GRIN2B: variants seen among roughly 807,000 people sequenced by gnomAD.
GRIN2B encodes the protein glutamate ionotropic receptor NMDA type subunit 2B.
In GRIN2B, 5 loss-of-function variants were observed where a neutral mutation model predicts 114.5. That is an observed-to-expected ratio of 0.04 (90% confidence interval 0.02 to 0.09). The LOEUF (loss-of-function observed/expected upper bound fraction) is 0.09, where lower values mean the gene tolerates loss of function less well. GRIN2B is among the 10% of genes least tolerant of loss of function. GRIN2B has a pLI of 1.00. For synonymous variants in GRIN2B, 787 were observed against 745.1 expected, an observed-to-expected ratio of 1.06 and a Z score of -0.92; for missense variants, 1,108 against 1,943.5, an observed-to-expected ratio of 0.57 and a Z score of 8.08.
In GRIN2B at chr12:13,608,780, A is replaced by G. The variant is rs367543148; in HGVS notation, c.1833T>C (p.Gly611=). ...CAGGTACGGAGTTGTTAAACACCAG[A>G]CCCCAGAGCAACCAAATAGCTTTGC... ...TIGKAIWLLW[G]LVFNNSVPVQ... Residue 611 remains glycine (G), a synonymous_variant, in exon 10 of 14, where the codon GGT becomes GGC. Transcript: ENST00000609686. 2.0e-5 allele frequency: 33 copies of G among 1,614,128 alleles called. No individual in the cohort carries two copies. The highest frequency in any genetic ancestry group is 2.7e-5 in the Non-Finnish European group (32 of 1,180,004).
At chr12:13,728,156 G>T (rs1034826636) in intron 4 of GRIN2B, among the ~76,000 whole-genome samples, 2 of 152,164 alleles carry the variant, frequency 1.3e-5, no homozygotes, top group African/African-American at 4.8e-5. Context: ...GTTGAATAAT[G>T]AATGAATGCA....
chr12:13,832,220 G>T (rs944977125), intron 3 of GRIN2B, among the ~76,000 whole-genome samples: 2 of 152,090 alleles, frequency 1.3e-5, no homozygotes, highest in Non-Finnish European at 2.9e-5. Context: ...ATAAATCAAA[G>T]AATTATTAAA....
At chr12:13,577,524 G>C (rs1261679020) in intron 10 of GRIN2B, among the ~76,000 whole-genome samples, 3 of 152,178 alleles carry the variant, frequency 2.0e-5, no homozygotes, top group Non-Finnish European at 4.4e-5. Flanking sequence ...CTCCCCGCTA[G>C]AGAGCTTCTT....
At chr12:13,662,625 G>C (rs1010201531) in intron 5 of GRIN2B, among the ~76,000 whole-genome samples, 25 of 152,126 alleles carry the variant, frequency 1.6e-4, no homozygotes, top group African/African-American at 5.3e-4. Flanking sequence ...TGTTGGTCTT[G>C]TTCAATACTG....
intron 3 of GRIN2B, among the ~76,000 whole-genome samples, chr12:13,859,321 G>T (rs926621211): frequency 6.6e-6 from 1 of 152,162 alleles, no homozygotes; most frequent in African/African-American, 2.4e-5. Context: ...AGCACCAAGT[G>T]CCTGTATTTC....
intron 5 of GRIN2B, among the ~76,000 whole-genome samples, chr12:13,621,866 C>T (rs1044375569): frequency 3.9e-5 from 6 of 152,082 alleles, no homozygotes; most frequent in Non-Finnish European, 7.4e-5. Flanking sequence ...TCCTCCATTA[C>T]TGCCAGTGAA....
rs972410531 is a variant in GRIN2B, at chr12:13,685,180, G to A, written c.1011-9321C>T. 2.0e-5 allele frequency among the ~76,000 whole-genome samples: 3 copies of A among 152,134 alleles called. No individual in the cohort carries two copies. The East Asian group carries it at 5.8e-4, about 29-fold the overall frequency. ...TCCATTTCCTCAATTTGTCCTTTCT[G>A]TAGCCTCTCTCTACTTCCTCTTACA... On this transcript the variant is annotated intron_variant, in intron 4 of 13. Coordinates refer to ENST00000609686, the MANE Select transcript of GRIN2B (RefSeq NM_000834.5).
rs1450770662 is a variant in GRIN2B, at chr12:13,713,193, C to A, written c.1011-37334G>T. ...TTCTTTTAACATCCTTGGTTGAAAC[C>A]ATTTTAAGTTAACAACATGACTTTT... On this transcript the variant is annotated intron_variant, in intron 4 of 13. Transcript: ENST00000609686. 4.6e-5 allele frequency among the ~76,000 whole-genome samples: 7 copies of A among 151,830 alleles called. 1 individual carries two copies. The highest frequency in any genetic ancestry group is 1.0e-4 in the Non-Finnish European group (7 of 67,862).
intron 8 of GRIN2B, among the ~76,000 whole-genome samples, chr12:13,613,346 C>G (rs1369901753): frequency 6.6e-6 from 1 of 152,170 alleles, no homozygotes; most frequent in African/African-American, 2.4e-5. Flanking sequence ...AATTTAGAAA[C>G]TACTTTTACC....
intron 2 of GRIN2B, among the ~76,000 whole-genome samples, chr12:13,884,506 TTGTG>T (rs1185347018): frequency 6.6e-6 from 1 of 152,124 alleles, no homozygotes; most frequent in African/African-American, 2.4e-5. Flanking sequence ...TTAGTAGTTT[TTGTG>T]TGTGTGTATT....
chr12:13,697,708 T>C lies in GRIN2B; in HGVS notation c.1011-21849A>G, dbSNP rs534676294. Among the ~76,000 whole-genome samples the C allele has an allele frequency of 1.7e-3, 13 of 7,588 alleles. No homozygotes were observed. In the Non-Finnish European group the frequency reaches 0.12, roughly 73 times the overall value. 5.0% of individuals were successfully genotyped at this position (7,588 alleles called of 152,430 possible). ...AAGCAATATAACCTCATCCATTAAA[T>C]CTGTGCGTGAAAACATGGTATCCAA... On this transcript the variant is annotated intron_variant, in intron 4 of 13. Coordinates refer to ENST00000609686, the MANE Select transcript of GRIN2B (RefSeq NM_000834.5).
intron 4 of GRIN2B, among the ~76,000 whole-genome samples, chr12:13,750,310 C>T (rs1315217443): frequency 6.6e-6 from 1 of 152,160 alleles, no homozygotes; most frequent in African/African-American, 2.4e-5. Flanking sequence ...AGAGAGATGG[C>T]AACAAAGGTT....
At chr12:13,694,321 T>G (rs1950239683) in intron 4 of GRIN2B, among the ~76,000 whole-genome samples, 1 of 152,050 alleles carries the variant, frequency 6.6e-6, no homozygotes, top group Non-Finnish European at 1.5e-5. Flanking sequence ...AAAATGAAAT[T>G]AACCAGGTGA....
intron 10 of GRIN2B, among the ~76,000 whole-genome samples, chr12:13,592,021 G>T (rs1949015229): frequency 6.6e-6 from 1 of 152,184 alleles, no homozygotes; most frequent in South Asian, 2.1e-4. Context: ...AATGTACCAG[G>T]TACTGTCTCA....
intron 3 of GRIN2B, among the ~76,000 whole-genome samples, chr12:13,831,651 G>C (rs1029545950): frequency 1.3e-5 from 2 of 152,202 alleles, no homozygotes; most frequent in East Asian, 1.9e-4. Context: ...AGGCTCATGT[G>C]GGGGAGCCCG....
At chr12:13,930,893 G>C (rs1484504671) in intron 2 of GRIN2B, among the ~76,000 whole-genome samples, 1 of 152,156 alleles carries the variant, frequency 6.6e-6, no homozygotes, top group East Asian at 1.9e-4. Context: ...GAAATAGCAT[G>C]TGTGTTCAAG....
chr12:13,842,122 T>C (rs983115753), intron 3 of GRIN2B, among the ~76,000 whole-genome samples: 1 of 152,114 alleles, frequency 6.6e-6, no homozygotes, highest in African/African-American at 2.4e-5. Flanking sequence ...CCACTGCCAG[T>C]ATGGGTCATG....
chr12:13,915,382 AC>A (rs1163486032), intron 2 of GRIN2B, among the ~76,000 whole-genome samples: 1 of 152,128 alleles, frequency 6.6e-6, no homozygotes, highest in Non-Finnish European at 1.5e-5. Flanking sequence ...CATGGGCATC[AC>A]CCAACCCCTG....
At chr12:13,789,349 T>C (rs1216906013) in intron 3 of GRIN2B, among the ~76,000 whole-genome samples, 1 of 152,186 alleles carries the variant, frequency 6.6e-6, no homozygotes, top group African/African-American at 2.4e-5. Flanking sequence ...GCCTTCCACA[T>C]TCCAGCAAAA....
Sources: gnomAD v4.1 joint callset for allele counts (sites outside exome capture counted in the v4.1 genomes callset) on GRCh38, gnomAD v4.1.1 for gene constraint, MANE v1.5 for transcripts, NCBI Gene and HGNC (gene_info 2026-07-23, HGNC 2026-07-21) for gene names.